ZMAT4: variants seen among roughly 807,000 people sequenced by gnomAD.
ZMAT4 encodes zinc finger matrin-type 4, also known as zinc finger matrin-type protein 4.
ZMAT4 carries 17 observed loss-of-function variants against 28.7 expected under a neutral mutation model. The ratio of observed to expected loss-of-function variants is 0.59; its 90% CI spans 0.41 to 0.89. The LOEUF (loss-of-function observed/expected upper bound fraction) is 0.89. ZMAT4 is among the 40% of genes least tolerant of loss of function. The probability of loss-of-function intolerance (pLI) is 0.00; values close to 1 mark genes in which losing one functional copy is unlikely to be tolerated. For missense variants in ZMAT4, 240 were observed against 283.8 expected, an observed-to-expected ratio of 0.85 and a Z score of 1.11; for synonymous variants, 117 against 109.2, an observed-to-expected ratio of 1.07 and a Z score of -0.44.
At chr8:40,830,820 G>T (rs1410634140) in intron 1 of ZMAT4, among the ~76,000 whole-genome samples, 1 of 152,148 alleles carries the variant, frequency 6.6e-6, no homozygotes, top group Non-Finnish European at 1.5e-5. Flanking sequence ...TCCAGGTGTG[G>T]TTGCTTGCCA....
chr8:40,693,278 G>A (rs1249373119), intron 4 of ZMAT4, among the ~76,000 whole-genome samples: 2 of 152,012 alleles, frequency 1.3e-5, no homozygotes, highest in East Asian at 3.9e-4. Context: ...CATCATGCCT[G>A]GCTAATTTTT....
chr8:40,637,107 C>A (rs1438486776), intron 5 of ZMAT4, among the ~76,000 whole-genome samples: 7 of 131,066 alleles, frequency 5.3e-5, no homozygotes, highest in Admixed American at 1.5e-4. Flanking sequence ...AAAAAAAAAA[C>A]TCTGTGATTC....
At chr8:40,767,839 A>G in intron 2 of ZMAT4, 109 bp from the exon 3 acceptor site, 1 of 838,634 alleles carries the variant, frequency 1.2e-6, no homozygotes, top group South Asian at 1.9e-5. Flanking sequence ...TCAGTAGAAG[A>G]CACTTCTGCA....
intron 5 of ZMAT4, among the ~76,000 whole-genome samples, chr8:40,593,700 T>C (rs1804969708): frequency 6.6e-6 from 1 of 152,202 alleles, no homozygotes; most frequent in African/African-American, 2.4e-5. Context: ...GGACTCGACG[T>C]TGAGTCGTTA....
At chr8:40,712,426 C>T (rs1384804625) in intron 3 of ZMAT4, among the ~76,000 whole-genome samples, 1 of 152,228 alleles carries the variant, frequency 6.6e-6, no homozygotes, top group African/African-American at 2.4e-5. Flanking sequence ...CTAACAAAAT[C>T]GCTGACCTGT....
intron 3 of ZMAT4, among the ~76,000 whole-genome samples, chr8:40,742,606 A>T (rs148271726): frequency 9.2e-5 from 14 of 152,162 alleles, no homozygotes; most frequent in Admixed American, 1.3e-4. Context: ...AGGGACCTCA[A>T]ATTCAAAGGT....
intron 2 of ZMAT4, among the ~76,000 whole-genome samples, chr8:40,777,042 TA>T (rs373989976): frequency 4.6e-5 from 7 of 152,176 alleles, no homozygotes; most frequent in African/African-American, 9.6e-5. Flanking sequence ...GCTGGTTCCA[TA>T]ACCACATTAA....
At chr8:40,607,977 T>C (rs1370159399) in intron 5 of ZMAT4, among the ~76,000 whole-genome samples, 1 of 152,078 alleles carries the variant, frequency 6.6e-6, no homozygotes, top group Non-Finnish European at 1.5e-5. Context: ...GGTTGTGTTT[T>C]TTTTTAATGT....
chr8:40,576,103 T>C (rs1804253829), intron 6 of ZMAT4, among the ~76,000 whole-genome samples: 1 of 151,448 alleles, frequency 6.6e-6, no homozygotes, highest in African/African-American at 2.4e-5. Flanking sequence ...CCTTTTGAAA[T>C]AACTTAGGCA....
chr8:40,861,757 AAGGATATGAAC>A lies in ZMAT4; in HGVS notation c.-5+35915_-5+35925del, dbSNP rs1376530426. On this transcript the variant is annotated intron_variant, in intron 1 of 6. Coordinates refer to ENST00000297737, the MANE Select transcript of ZMAT4 (RefSeq NM_024645.3). ...AAACAACCCCATCAACAAGTGGGCA[AAGGATATGAAC>A]AGACACTTCTCAGAAGAAGACATTT... 5.9e-5 allele frequency among the ~76,000 whole-genome samples: 9 copies of A among 152,380 alleles called. No individual in the cohort carries two copies. In the East Asian group the frequency reaches 1.5e-3, roughly 26 times the overall value.
chr8:40,826,830 G>A lies in ZMAT4; in HGVS notation c.-4-1150C>T, dbSNP rs543065663. On this transcript the variant is annotated intron_variant, in intron 1 of 6. Coordinates refer to ENST00000297737, the MANE Select transcript of ZMAT4 (RefSeq NM_024645.3). Reference sequence around the variant, plus strand: ...CTTCTGAAAGCGATCTGTCGGAAACGGATCTTATGGCAGCTGAAGGATCTC... The same window carrying A: ...CTTCTGAAAGCGATCTGTCGGAAACAGATCTTATGGCAGCTGAAGGATCTC... Among the ~76,000 whole-genome samples the A allele has an allele frequency of 1.4e-4, 21 of 152,222 alleles. No homozygotes were observed. In the South Asian group the frequency reaches 3.7e-3, roughly 27 times the overall value.
rs76386792 is a variant in ZMAT4, at chr8:40,728,065, A to G, written c.193-30664T>C. ...AGGGGAGCATGCAGAAACGCAAATC[A>G]TATGTTCCTGGAGAGTTAAGAGCTG... On this transcript the variant is annotated intron_variant, in intron 3 of 6. Transcript: ENST00000297737. Among the ~76,000 whole-genome samples, 968 of 152,298 alleles carry G rather than the reference A, an allele frequency of 6.4e-3. 11 individuals carry two copies. Among genetic ancestry groups the G allele is most frequent in the African/African-American group, 0.022 (922 of 41,550 alleles).
At chr8:40,643,797 A>T (rs1807169703) in intron 5 of ZMAT4, among the ~76,000 whole-genome samples, 1 of 151,742 alleles carries the variant, frequency 6.6e-6, no homozygotes, top group Admixed American at 6.6e-5. Flanking sequence ...TGCAAAAAAA[A>T]AAAAAGGAGT....
rs112971981 is a variant in ZMAT4 at position 40,829,784 on chromosome 8, A to T, written c.-4-4104T>A. 8.8e-3 allele frequency among the ~76,000 whole-genome samples: 1,336 copies of T among 152,320 alleles called. 21 individuals are homozygous for T. The highest frequency in any genetic ancestry group is 0.028 in the African/African-American group (1,184 of 41,582). ...CAAGAAAGTTCTACTAGGGTTGAAA[A>T]TTTGAGGATGGATAGGATTAGAGTG... On this transcript the variant is annotated intron_variant, in intron 1 of 6. Transcript: ENST00000297737.
intron 3 of ZMAT4, among the ~76,000 whole-genome samples, chr8:40,761,594 A>G (rs1181937749): frequency 1.3e-5 from 2 of 152,170 alleles, no homozygotes; most frequent in Non-Finnish European, 2.9e-5. Context: ...TTGTTTTTAA[A>G]TTGCTTTCTG....
At chr8:40,649,851 G>A (rs1430802743) in intron 5 of ZMAT4, among the ~76,000 whole-genome samples, 2 of 151,942 alleles carry the variant, frequency 1.3e-5, no homozygotes, top group African/African-American at 4.8e-5. Flanking sequence ...AATGAAGGCA[G>A]AAATAAAGAT....
chr8:40,768,279 C>A (rs1010379470), intron 2 of ZMAT4, among the ~76,000 whole-genome samples: 1 of 152,124 alleles, frequency 6.6e-6, no homozygotes, highest in Non-Finnish European at 1.5e-5. Flanking sequence ...TGTCAGTCTG[C>A]GGACTGACCA....
chr8:40,720,525 T>C (rs1811037876), intron 3 of ZMAT4, among the ~76,000 whole-genome samples: 1 of 134,044 alleles, frequency 7.5e-6, no homozygotes, highest in Admixed American at 7.3e-5. Context: ...GGTAGAATCT[T>C]TTTTTTTTTT....
intron 3 of ZMAT4, among the ~76,000 whole-genome samples, chr8:40,745,636 G>A (rs970028783): frequency 7.9e-5 from 12 of 152,112 alleles, no homozygotes; most frequent in South Asian, 4.1e-4. Flanking sequence ...AATAAGTGCC[G>A]AAAGAGGACG....
Sources: allele counts gnomAD v4.1 joint callset (sites outside exome capture counted in the v4.1 genomes callset), GRCh38; gene constraint gnomAD v4.1.1; transcripts MANE v1.5; gene names NCBI Gene and HGNC (gene_info 2026-07-23, HGNC 2026-07-21).